Variants in ROBO2 observed in about 807,000 individuals in gnomAD.
The protein encoded by ROBO2 is roundabout homolog 2.
In ROBO2, 53 loss-of-function variants were observed where a neutral mutation model predicts 160.8. That is an observed-to-expected ratio of 0.33 (90% CI 0.26 to 0.41). ROBO2 has a LOEUF of 0.41. Among genes scored for constraint, ROBO2 ranks in the 10% least tolerant of loss-of-function variants. The pLI, the probability that ROBO2 is intolerant of heterozygous loss-of-function variation, is 1.00. For synonymous variants in ROBO2, 664 were observed against 611.7 expected (o/e 1.09, Z -1.26); for missense variants, 1,577 against 1,722.4 (o/e 0.92, Z 1.49).
At chr3:76,662,333 A>T (rs28647602) in intron 2 of ROBO2, among the ~76,000 whole-genome samples, 16,666 of 151,918 alleles carry the variant, frequency 0.11, 1,026 homozygotes, top group African/African-American at 0.17. Flanking sequence ...TTTAAAAAAA[A>T]TTTTTTTCAT....
chr3:77,254,294 T>C (rs1326532711), intron 2 of ROBO2, among the ~76,000 whole-genome samples: 1 of 152,206 alleles, frequency 6.6e-6, no homozygotes. Flanking sequence ...TCTGCTCTTC[T>C]AGTGAATAGT....
At chr3:76,125,413 A>C (rs1261522896) in intron 2 of ROBO2, among the ~76,000 whole-genome samples, 1 of 152,106 alleles carries the variant, frequency 6.6e-6, no homozygotes, top group African/African-American at 2.4e-5. Flanking sequence ...TTCTTTGAGA[A>C]ATCTTCAGAC....
chr3:77,592,367 A>G (rs1488519537), intron 17 of ROBO2, among the ~76,000 whole-genome samples: 1 of 152,094 alleles, frequency 6.6e-6, no homozygotes, highest in East Asian at 1.9e-4. Flanking sequence ...TTTAATGATG[A>G]CGGGAACAGA....
At chr3:76,146,571 A>G (rs2071898226) in intron 2 of ROBO2, among the ~76,000 whole-genome samples, 1 of 151,682 alleles carries the variant, frequency 6.6e-6, no homozygotes, top group African/African-American at 2.4e-5. Context: ...AAGTCAATTT[A>G]TTGGAGATTT....
chr3:76,198,421 A>C (rs1019740773), intron 2 of ROBO2, among the ~76,000 whole-genome samples: 3 of 152,210 alleles, frequency 2.0e-5, no homozygotes, highest in African/African-American at 7.2e-5. Context: ...CCTGACTTTC[A>C]TATAGCATCA....
At chr3:77,490,381 C>T (rs551501250) in intron 4 of ROBO2, among the ~76,000 whole-genome samples, 1 of 152,110 alleles carries the variant, frequency 6.6e-6, no homozygotes, top group Non-Finnish European at 1.5e-5. Flanking sequence ...TGAGCCACCA[C>T]GCCCGGCCTG....
intron 2 of ROBO2, among the ~76,000 whole-genome samples, chr3:75,947,469 T>G (rs1224279806): frequency 6.6e-6 from 1 of 152,106 alleles, no homozygotes; most frequent in African/African-American, 2.4e-5. Context: ...TAGGAAAATT[T>G]TTCAGCAAGG....
At chr3:76,696,487 T>A (rs1291663714) in intron 2 of ROBO2, among the ~76,000 whole-genome samples, 1 of 152,080 alleles carries the variant, frequency 6.6e-6, no homozygotes, top group Non-Finnish European at 1.5e-5. Flanking sequence ...ATGCCTGGGT[T>A]TATATCCCGA....
chr3:77,649,412 G>C (rs2095434074), exon 26 of ROBO2: 1 of 152,084 alleles, frequency 6.6e-6, no homozygotes, highest in Non-Finnish European at 1.5e-5. Context: ...AATGATAACA[G>C]TACCATTGAA....
At chr3:76,682,422 C>CATTTTTT (rs58209079) in intron 2 of ROBO2, among the ~76,000 whole-genome samples, 85,763 of 151,274 alleles carry the variant, frequency 0.57, 25,698 homozygotes, top group East Asian at 0.78. Flanking sequence ...TTAAAAATTT[C>CATTTTTT]TTTTGAGACG....
chr3:77,104,592 C>G (rs375799821), intron 2 of ROBO2, among the ~76,000 whole-genome samples: 17 of 152,046 alleles, frequency 1.1e-4, no homozygotes, highest in African/African-American at 4.1e-4. Flanking sequence ...TAAGTTTATG[C>G]CTAAGAGTAG....
intron 2 of ROBO2, among the ~76,000 whole-genome samples, chr3:76,938,787 T>G (rs1286131760): frequency 1.3e-5 from 2 of 151,852 alleles, no homozygotes; most frequent in Non-Finnish European, 2.9e-5. Flanking sequence ...CTGACCAACA[T>G]GGAGAAACCC....
chr3:76,171,144 G>C (rs1244377097), intron 2 of ROBO2, among the ~76,000 whole-genome samples: 2 of 151,946 alleles, frequency 1.3e-5, no homozygotes, highest in Non-Finnish European at 2.9e-5. Flanking sequence ...GATTATTACA[G>C]ACACTTGCCC....
intron 2 of ROBO2, among the ~76,000 whole-genome samples, chr3:76,015,392 GA>G (rs1559834938): frequency 6.6e-6 from 1 of 151,982 alleles, no homozygotes; most frequent in African/African-American, 2.4e-5. Context: ...GCTGCAAATT[GA>G]AAAAAACAGA....
chr3:76,085,997 T>C (rs2068999699), intron 2 of ROBO2, among the ~76,000 whole-genome samples: 1 of 152,162 alleles, frequency 6.6e-6, no homozygotes, highest in Non-Finnish European at 1.5e-5. Flanking sequence ...AACTATTTTA[T>C]CAGGGACTAA....
At chr3:76,320,698 A>AT (rs1275962973) in intron 2 of ROBO2, among the ~76,000 whole-genome samples, 1 of 152,208 alleles carries the variant, frequency 6.6e-6, no homozygotes, top group Non-Finnish European at 1.5e-5. Context: ...ACAAGTACAG[A>AT]TTTTCATTTA....
intron 2 of ROBO2, among the ~76,000 whole-genome samples, chr3:76,853,854 G>A (rs1468940380): frequency 6.6e-6 from 1 of 151,948 alleles, no homozygotes; most frequent in East Asian, 1.9e-4. Context: ...TTATTATCTG[G>A]TAGCTTCACA....
chr3:76,194,865 G>A (rs560168872), intron 2 of ROBO2, among the ~76,000 whole-genome samples: 9 of 152,100 alleles, frequency 5.9e-5, no homozygotes, highest in Non-Finnish European at 1.3e-4. Context: ...TGATCCGCCC[G>A]CGTTGGTCTC....
intron 6 of ROBO2, among the ~76,000 whole-genome samples, chr3:77,536,836 A>C (rs1210585512): frequency 1.3e-5 from 2 of 152,200 alleles, no homozygotes; most frequent in African/African-American, 4.8e-5. Flanking sequence ...GTGTGAAGGC[A>C]CTGGCCCAAG....
Sources: allele counts gnomAD v4.1 joint callset (sites outside exome capture counted in the v4.1 genomes callset), GRCh38; gene constraint gnomAD v4.1.1; transcripts MANE v1.5; gene names NCBI Gene and HGNC (gene_info 2026-07-23, HGNC 2026-07-21).